CAPN11: variants seen among roughly 807,000 people sequenced by gnomAD.
CAPN11 encodes calpain 11.
Under a neutral mutation model 105.3 loss-of-function variants are expected in CAPN11, and 108 were observed. The observed-to-expected ratio is 1.03, with a 90% confidence interval of 0.88 to 1.20. CAPN11 has a LOEUF of 1.20. Ranked by LOEUF, CAPN11 falls within the 50% of genes most tolerant of loss-of-function variation. The pLI, the probability that CAPN11 is intolerant of heterozygous loss-of-function variation, is 0.00. For missense variants in CAPN11, 883 were observed against 924.8 expected (o/e 0.95, Z 0.59); for synonymous variants, 329 against 344.5 (o/e 0.96, Z 0.50).
chr6:44,180,397 C>G, intron 14 of CAPN11, 63 bp from the exon 15 acceptor site: 12 of 1,507,922 alleles, frequency 8.0e-6, no homozygotes, highest in Non-Finnish European at 1.1e-5. Context: ...CCCCAGAGCA[C>G]CCCACTAAAA....
At chr6:44,177,481 T>C (rs1772284512) in intron 12 of CAPN11, 61 bp downstream of exon 12, 1 of 1,413,420 alleles carries the variant, frequency 7.1e-7, no homozygotes, top group African/African-American at 1.4e-5. Context: ...CACTCCTTTC[T>C]TTCTTTCTTT....
chr6:44,169,529 A>G lies in CAPN11; in HGVS notation c.337A>G (p.Lys113Glu), dbSNP rs752928456. 13 of 1,568,248 alleles carry G rather than the reference A, an allele frequency of 8.3e-6. No homozygotes were observed. Among genetic ancestry groups the G allele is most frequent in the Non-Finnish European group, 1.1e-5 (13 of 1,156,606 alleles). The change falls in exon 3 of 23, where the codon AAG (lysine) becomes GAG (glutamate). Residue 113 changes from lysine (K) to glutamate (E), a missense_variant and splice_region_variant. Physicochemically the swap from Lys to Glu is moderately conservative, Grantham distance 56 (BLOSUM62 1). Coordinates refer to ENST00000398776, the MANE Select transcript of CAPN11 (RefSeq NM_007058.4). ...NVQNISWQRP[K>E]DIINNPLFIM... ...GCAGAACATCTCCTGGCAGCGGCCC[A>G]AGGTGGGCACTGGAAGGGAGGCATG...
rs1474746124 is a variant in CAPN11, at chr6:44,172,997, A to G, written c.586A>G (p.Asn196Asp). ...GGTAGATGACCGGCTGCCCACAAAG[A>G]ATGACAAGCTGGTGTTTGTGCACTC... ...VVVDDRLPTK[N>D]DKLVFVHSTE... The change falls in exon 6 of 23, where the codon AAT becomes GAT. Residue 196 changes from asparagine (N) to aspartate (D), a missense_variant. Transcript: ENST00000398776. 1 of 1,613,080 alleles carries G rather than the reference A, an allele frequency of 6.2e-7. No homozygotes were observed. The highest frequency in any genetic ancestry group is 8.5e-7 in the Non-Finnish European group (1 of 1,179,592).
chr6:44,183,622 C>T, intron 21 of CAPN11, 83 bp from the exon 22 acceptor site: 1 of 1,306,020 alleles, frequency 7.7e-7, no homozygotes, highest in Non-Finnish European at 1.1e-6. Context: ...CTGGTGTCGC[C>T]CCTTCCTACC....
intron 2 of CAPN11, 96 bp downstream of exon 2, chr6:44,166,925 C>A (rs780374324): frequency 1.7e-5 from 12 of 696,632 alleles, no homozygotes; most frequent in Non-Finnish European, 2.7e-5. Flanking sequence ...TGGGGGAAGT[C>A]AGTCATGTTG....
intron 19 of CAPN11, among the ~76,000 whole-genome samples, chr6:44,181,707 A>T (rs1773500331): frequency 8.8e-5 from 3 of 33,916 alleles, no homozygotes; most frequent in Admixed American, 2.6e-4. Flanking sequence ...CCACACTCAC[A>T]CACACACACA....
Position 44,183,226 on chromosome 6 carries a change from AC to A in CAPN11, c.2127del (p.Met710CysfsTer6). ...SFISCFLRLK[T>X]MFTFFLTMDP... ...CATCAGCTGTTTCCTGAGGCTAAAG[AC>A]CATGTTCAGTGAGTTAGGCATCTAC... On this transcript the variant is annotated frameshift_variant, in exon 21 of 23. Coordinates refer to ENST00000398776, the MANE Select transcript of CAPN11 (RefSeq NM_007058.4). LOFTEE classifies it high-confidence loss of function. 6.2e-7 allele frequency: 1 copy of A among 1,608,196 alleles called. No homozygotes were observed. The highest frequency in any genetic ancestry group is 8.5e-7 in the Non-Finnish European group (1 of 1,174,672).
At chr6:44,167,139 C>T (rs1250237845) in intron 2 of CAPN11, among the ~76,000 whole-genome samples, 3 of 152,052 alleles carry the variant, frequency 2.0e-5, no homozygotes, top group East Asian at 1.9e-4. Context: ...TGACCCGGTC[C>T]GACACCAGCA....
At chr6:44,168,414 C>T (rs918958867) in intron 2 of CAPN11, among the ~76,000 whole-genome samples, 5 of 151,594 alleles carry the variant, frequency 3.3e-5, no homozygotes, top group East Asian at 2.0e-4. Context: ...GGATTACAGG[C>T]GCCCGCCACC....
At chr6:44,173,414 G>A in intron 7 of CAPN11, 28 bp downstream of exon 7, 2 of 1,481,254 alleles carry the variant, frequency 1.4e-6, no homozygotes, top group Non-Finnish European at 1.9e-6. Context: ...CCACCTCAGG[G>A]CCTTTGCACC....
At chr6:44,182,187 C>A (rs62401129) in intron 19 of CAPN11, among the ~76,000 whole-genome samples, 4 of 104,698 alleles carry the variant, frequency 3.8e-5, no homozygotes, top group Non-Finnish European at 6.2e-5. Flanking sequence ...TACACACTCA[C>A]ATACAGACAC....
At position 44,173,041 on chromosome 6, in the gene CAPN11, C is replaced by G. The variant is rs1355222566; in HGVS notation, c.630C>G (p.Phe210Leu). ...TGCACTCAACCGAACGCAGTGAGTT[C>G]TGGAGTGCCCTGCTGGAGAAGGCGT... ...VFVHSTERSE[F>L]WSALLEKAYA... Residue 210 changes from phenylalanine to leucine, a missense_variant, in exon 6 of 23, where the codon TTC (phenylalanine) becomes TTG (leucine). By Grantham distance (22) the Phe-to-Leu change is conservative (BLOSUM62 0). Coordinates refer to ENST00000398776, the MANE Select transcript of CAPN11 (RefSeq NM_007058.4). 6.2e-7 allele frequency: 1 copy of G among 1,613,476 alleles called. No homozygotes were observed. Among genetic ancestry groups the G allele is most frequent in the East Asian group, 2.2e-5 (1 of 44,870 alleles).
rs779809301 is a variant in CAPN11 at position 44,180,479 on chromosome 6, T to G, written c.1660T>G (p.Tyr554Asp). ...GCCCAGGGAATTGGATGAAGTCAACTATGCTGAGCAACTCCAAGAGGTGAG... is the reference window on the plus strand; with the variant it reads ...GCCCAGGGAATTGGATGAAGTCAACGATGCTGAGCAACTCCAAGAGGTGAG... ...SESWELDEVN[Y>D]AEQLQEEKVS... The change falls in exon 15 of 23, where the codon TAT (tyrosine) becomes GAT (aspartate). Residue 554 changes from tyrosine (Y) to aspartate (D), a missense_variant. By Grantham distance (160) the Tyr-to-Asp change is radical. Transcript: ENST00000398776. 82 of 1,612,900 alleles carry G rather than the reference T, an allele frequency of 5.1e-5. No individual in the cohort carries two copies. In the Admixed American group the frequency reaches 1.4e-3, roughly 27 times the overall value.
Position 44,182,938 on chromosome 6 carries a change from C to T in CAPN11, c.1939-3C>T, listed in dbSNP as rs1415593733. The T allele has an allele frequency of 1.9e-6, 3 of 1,600,626 alleles. No homozygotes were observed. The South Asian group carries it at 3.3e-5, about 18-fold the overall frequency. ...GCCCTACCATATCTGTCTGTCTCTTCAGGACATCTTCAGAGAGTGTGACCA... is the reference window on the plus strand; with the variant it reads ...GCCCTACCATATCTGTCTGTCTCTTTAGGACATCTTCAGAGAGTGTGACCA... On this transcript the variant is annotated splice_region_variant and splice_polypyrimidine_tract_variant and intron_variant, in intron 19 of 22. Coordinates refer to ENST00000398776, the MANE Select transcript of CAPN11 (RefSeq NM_007058.4).
Position 44,181,257 on chromosome 6 carries a change from T to C in CAPN11, c.1875T>C (p.Asp625=), listed in dbSNP as rs1773088895. Residue 625 remains aspartate, a synonymous_variant, in exon 19 of 23, where the codon GAT becomes GAC. Transcript: ENST00000398776. The part of the protein sequence containing the change: ...CRCMINLMDK[D]GSGKLGLLEF... ...TGTCCTTGACCACCTTCCAGAAAGA[T>C]GGCTCTGGCAAGCTGGGGCTTCTAG... is the stretch of plus-strand genomic sequence containing the variant. The C allele has an allele frequency of 1.2e-6, 2 of 1,613,538 alleles. No individual in the cohort carries two copies. The highest frequency in any genetic ancestry group is 1.7e-6 in the Non-Finnish European group (2 of 1,179,604).
In CAPN11 at chr6:44,176,951, G is replaced by T. The variant is rs1395140689; in HGVS notation, c.1190G>T (p.Gly397Val). 1.9e-6 allele frequency: 3 copies of T among 1,613,876 alleles called. No homozygotes were observed. The Admixed American group carries it at 5.0e-5, about 27-fold the overall frequency. ...KSYWHTTFYE[G>V]SWRRGSSAGG... The stretch of plus-strand genomic sequence containing the variant: ...TACTGGCACACCACCTTCTACGAGG[G>T]CAGCTGGCGCAGAGGCAGCTCCGCA... The change falls in exon 11 of 23, where the codon GGC becomes GTC. Residue 397 changes from glycine (G) to valine (V), a missense_variant. By Grantham distance (109) the Gly-to-Val change is moderately radical. Transcript: ENST00000398776.
At position 44,176,309 on chromosome 6, in the gene CAPN11, G is replaced by C. The variant is rs377530733; in HGVS notation, c.972G>C (p.Arg324=). Residue 324 remains arginine, a synonymous_variant, in exon 9 of 23, where the codon CGG becomes CGC. Coordinates refer to ENST00000398776, the MANE Select transcript of CAPN11 (RefSeq NM_007058.4). ...TTCGGGTCCGGAATCCCTGGGGCCG[G>C]ATTGAGTGGAATGGAGCTTGGAGTG... ...TLIRVRNPWG[R]IEWNGAWSDS... The C allele has an allele frequency of 9.3e-6, 15 of 1,613,882 alleles. No individual in the cohort carries two copies. Among genetic ancestry groups the C allele is most frequent in the Non-Finnish European group, 1.2e-5 (14 of 1,179,888 alleles).
At chr6:44,171,200 C>T (rs757601365) in intron 4 of CAPN11, among the ~76,000 whole-genome samples, 3 of 152,162 alleles carry the variant, frequency 2.0e-5, no homozygotes, top group Non-Finnish European at 4.4e-5. Context: ...CTCAGCCTGG[C>T]GTAGGATGCA....
chr6:44,176,816 C>T (rs748436185), intron 10 of CAPN11, 22 bp from the exon 11 acceptor site: 13 of 1,612,698 alleles, frequency 8.1e-6, no homozygotes, highest in African/African-American at 1.3e-5. Context: ...TGCTGACGGG[C>T]TCCACCCCCA....
Sources: allele counts gnomAD v4.1 joint callset (sites outside exome capture counted in the v4.1 genomes callset), GRCh38; gene constraint gnomAD v4.1.1; transcripts MANE v1.5; gene names NCBI Gene and HGNC (gene_info 2026-07-23, HGNC 2026-07-21).